The following GARNL3 variants were observed in gnomAD, a reference collection of about 807,000 sequenced individuals.
The protein encoded by GARNL3 is GTPase activating Rap/RanGAP domain like 3, also known as GTPase-activating Rap/Ran-GAP domain-like protein 3.
A neutral mutation model predicts 125.0 loss-of-function variants in GARNL3; 63 were observed. The ratio of observed to expected loss-of-function variants is 0.50; its 90% CI spans 0.41 to 0.62. GARNL3 has a LOEUF of 0.62. Among genes scored for constraint, GARNL3 ranks in the 20% least tolerant of loss-of-function variants. The probability of loss-of-function intolerance (pLI) is 0.00; values close to 1 mark genes in which losing one functional copy is unlikely to be tolerated. For synonymous variants in GARNL3, 439 were observed against 457.5 expected (o/e 0.96, Z 0.52); for missense variants, 994 against 1,244.0 (o/e 0.80, Z 3.02).
chr9:127,333,721 A>G (rs1165663737), intron 9 of GARNL3, among the ~76,000 whole-genome samples: 1 of 152,196 alleles, frequency 6.6e-6, no homozygotes, highest in African/African-American at 2.4e-5. Context: ...GTTGTGTTCT[A>G]GAAACTAAGA....
intron 2 of GARNL3, among the ~76,000 whole-genome samples, chr9:127,252,543 A>G (rs2131213272): frequency 6.6e-6 from 1 of 152,348 alleles, no homozygotes; most frequent in Middle Eastern, 3.4e-3. Flanking sequence ...CCCATTATAT[A>G]GTTGTAGGAA....
intron 21 of GARNL3, chr9:127,363,429 G>T (rs894078811): frequency 6.6e-6 from 1 of 152,286 alleles, no homozygotes; most frequent in Admixed American, 6.5e-5. Context: ...ACTGAATACA[G>T]TGCTAGATAA....
intron 22 of GARNL3, among the ~76,000 whole-genome samples, chr9:127,375,301 G>GA (rs1462935458): frequency 6.6e-6 from 1 of 151,594 alleles, no homozygotes; most frequent in Non-Finnish European, 1.5e-5. Context: ...TGTCTCTACT[G>GA]AAAATACAAA....
chr9:127,372,100 C>T (rs1475712864), intron 22 of GARNL3, among the ~76,000 whole-genome samples: 1 of 152,110 alleles, frequency 6.6e-6, no homozygotes, highest in African/African-American at 2.4e-5. Context: ...GCCCGGCTAA[C>T]CAAAAACTTT....
At chr9:127,296,736 G>A (rs2064606862) in intron 2 of GARNL3, among the ~76,000 whole-genome samples, 1 of 151,850 alleles carries the variant, frequency 6.6e-6, no homozygotes, top group South Asian at 2.1e-4. Flanking sequence ...CTCCCAAAGT[G>A]CTGGGATTAC....
intron 16 of GARNL3, among the ~76,000 whole-genome samples, chr9:127,346,301 A>G (rs1236725115): frequency 3.3e-5 from 5 of 152,258 alleles, no homozygotes; most frequent in African/African-American, 1.2e-4. Context: ...AGAAGTGTCC[A>G]TTATAAAAGC....
chr9:127,342,196 CT>C, intron 13 of GARNL3, 22 bp from the exon 14 acceptor site: 1 of 1,369,642 alleles, frequency 7.3e-7, no homozygotes. Flanking sequence ...TTGTAATTCC[CT>C]TTTTAACTTG....
intron 7 of GARNL3, 74 bp from the exon 8 acceptor site, chr9:127,332,200 C>A: frequency 9.0e-7 from 1 of 1,106,324 alleles, no homozygotes; most frequent in Non-Finnish European, 1.4e-6. Context: ...TGCTAAGTCA[C>A]GAACAGCCCA....
chr9:127,311,703 C>T lies in GARNL3; in HGVS notation c.287C>T (p.Thr96Ile), dbSNP rs1357169037. ...CACTTAGAGAACCCAGAATACCACACCAGATGGTATTTCAAATATTTTTTA... is the reference window on the plus strand; with the variant it reads ...CACTTAGAGAACCCAGAATACCACATCAGATGGTATTTCAAATATTTTTTA... ...DVHLENPEYH[T>I]RWYFKYFLGQ... Residue 96 changes from threonine (T) to isoleucine (I), a missense_variant, in exon 3 of 28, where the codon ACC (threonine) becomes ATC (isoleucine). By Grantham distance (89) the Thr-to-Ile change is moderately conservative. Transcript: ENST00000373387. 2 of 1,611,806 alleles carry T rather than the reference C, an allele frequency of 1.2e-6. No individual in the cohort carries two copies. Among genetic ancestry groups the T allele is most frequent in the South Asian group, 1.1e-5 (1 of 91,034 alleles).
intron 2 of GARNL3, among the ~76,000 whole-genome samples, chr9:127,291,501 AC>A (rs887933118): frequency 2.0e-5 from 3 of 152,138 alleles, no homozygotes; most frequent in African/African-American, 7.2e-5. Context: ...CAATTCTGCC[AC>A]CCTCTGTGAA....
At chr9:127,240,250 G>A (rs910417548) in intron 1 of GARNL3, among the ~76,000 whole-genome samples, 11 of 152,300 alleles carry the variant, frequency 7.2e-5, no homozygotes, top group Middle Eastern at 3.4e-3. Flanking sequence ...CATGGACATC[G>A]TCAGCCAGTC....
chr9:127,226,244 C>T (rs924458357), intron 1 of GARNL3, among the ~76,000 whole-genome samples: 4 of 152,230 alleles, frequency 2.6e-5, no homozygotes, highest in Admixed American at 1.3e-4. Flanking sequence ...GATGTGGACT[C>T]CGACCCGCAC....
At chr9:127,236,168 G>A (rs2131149270) in intron 1 of GARNL3, among the ~76,000 whole-genome samples, 1 of 152,240 alleles carries the variant, frequency 6.6e-6, no homozygotes, top group African/African-American at 2.4e-5. Context: ...AAAACTGGTT[G>A]GACTCAGTAC....
intron 25 of GARNL3, 50 bp downstream of exon 25, chr9:127,387,381 T>G (rs780838830): frequency 4.0e-6 from 6 of 1,514,634 alleles, no homozygotes; most frequent in Non-Finnish European, 5.4e-6. Flanking sequence ...TCACTCTAAT[T>G]TCTCTAGTTT....
At chr9:127,270,102 T>C (rs1295725690) in intron 1 of GARNL3, among the ~76,000 whole-genome samples, 3 of 152,190 alleles carry the variant, frequency 2.0e-5, no homozygotes, top group Non-Finnish European at 2.9e-5. Flanking sequence ...ATTTTTTCTA[T>C]ATGGTGTGAG....
intron 15 of GARNL3, 140 bp from the exon 16 acceptor site, chr9:127,345,263 G>T: frequency 2.0e-6 from 1 of 498,174 alleles, no homozygotes; most frequent in Non-Finnish European, 3.5e-6. Flanking sequence ...TTCAATTCTT[G>T]ATTAACAAGT....
At chr9:127,325,165 T>C (rs1405013194) in intron 7 of GARNL3, 70 bp downstream of exon 7, 4 of 1,468,628 alleles carry the variant, frequency 2.7e-6, no homozygotes, top group Non-Finnish European at 3.8e-6. Flanking sequence ...CTCCTTTCAC[T>C]GTGAACCCAG....
chr9:127,261,407 G>GTT (rs377048911), upstream of GARNL3, among the ~76,000 whole-genome samples: 1,278 of 117,080 alleles, frequency 0.011, 81 homozygotes, highest in African/African-American at 0.043. Context: ...TTTTTTGTTG[G>GTT]TTTTTTTTTT....
intron 2 of GARNL3, among the ~76,000 whole-genome samples, chr9:127,245,924 T>A (rs887847486): frequency 3.3e-5 from 5 of 152,006 alleles, no homozygotes; most frequent in African/African-American, 1.2e-4. Context: ...GAAAAATATT[T>A]ATGGGATGGC....
Sources: gnomAD v4.1 joint callset for allele counts (sites outside exome capture counted in the v4.1 genomes callset) on GRCh38, gnomAD v4.1.1 for gene constraint, MANE v1.5 for transcripts, NCBI Gene and HGNC (gene_info 2026-07-23, HGNC 2026-07-21) for gene names.